The following ZNF407 variants were observed in gnomAD, a reference collection of about 807,000 sequenced individuals.
ZNF407 encodes zinc finger protein 407.
Under a neutral mutation model 131.2 loss-of-function variants are expected in ZNF407, and 17 were observed. The ratio of observed to expected loss-of-function variants is 0.13; its 90% confidence interval spans 0.09 to 0.19. The LOEUF (loss-of-function observed/expected upper bound fraction) is 0.19, where lower values mean the gene tolerates loss of function less well. Among genes scored for constraint, ZNF407 ranks in the 10% least tolerant of loss-of-function variants. The pLI is 1.00. For synonymous variants in ZNF407, 1,156 were observed against 1,062.0 expected (o/e 1.09, Z -1.72); for missense variants, 2,681 against 2,830.6 (o/e 0.95, Z 1.20).
intron 4 of ZNF407, among the ~76,000 whole-genome samples, chr18:74,824,806 C>T (rs1441383536): frequency 6.6e-6 from 1 of 152,220 alleles, no homozygotes; most frequent in South Asian, 2.1e-4. Flanking sequence ...TGGTACCTTT[C>T]CTTCTGAAAC....
chr18:74,970,909 T>C (rs1972465200), intron 8 of ZNF407, among the ~76,000 whole-genome samples: 1 of 152,238 alleles, frequency 6.6e-6, no homozygotes. Flanking sequence ...TGCAGCAAAC[T>C]TTTGCCTGGA....
At chr18:74,685,408 A>G (rs1484435904) in intron 3 of ZNF407, among the ~76,000 whole-genome samples, 1 of 152,076 alleles carries the variant, frequency 6.6e-6, no homozygotes, top group African/African-American at 2.4e-5. Flanking sequence ...TCCTTCTCCT[A>G]TTACTGATAT....
At chr18:74,987,224 T>C (rs988787731) in intron 8 of ZNF407, among the ~76,000 whole-genome samples, 3 of 152,194 alleles carry the variant, frequency 2.0e-5, no homozygotes, top group African/African-American at 7.2e-5. Context: ...CCGGGGAATT[T>C]TTTTCAAGCT....
chr18:74,950,602 A>G (rs1353199704), intron 8 of ZNF407, among the ~76,000 whole-genome samples: 1 of 152,222 alleles, frequency 6.6e-6, no homozygotes, highest in African/African-American at 2.4e-5. Flanking sequence ...ACCGTTACAG[A>G]TACCTAAAAA....
At chr18:74,813,200 T>C (rs1374277402) in intron 4 of ZNF407, among the ~76,000 whole-genome samples, 1 of 151,946 alleles carries the variant, frequency 6.6e-6, no homozygotes, top group East Asian at 1.9e-4. Flanking sequence ...TTAGTAAGAC[T>C]TGGTCCCTGT....
intron 3 of ZNF407, among the ~76,000 whole-genome samples, chr18:74,675,204 T>C (rs139783906): frequency 1.7e-3 from 259 of 152,354 alleles, no homozygotes; most frequent in African/African-American, 6.0e-3. Context: ...GCTGGCTCTT[T>C]GTTAACATTT....
chr18:74,649,110 C>G (rs1985106592), intron 3 of ZNF407, among the ~76,000 whole-genome samples: 1 of 152,198 alleles, frequency 6.6e-6, no homozygotes, highest in Non-Finnish European at 1.5e-5. Flanking sequence ...ATGCTACTAT[C>G]TAGATATACA....
intron 3 of ZNF407, among the ~76,000 whole-genome samples, chr18:74,715,480 A>T (rs1967872728): frequency 6.6e-6 from 1 of 152,138 alleles, no homozygotes; most frequent in Non-Finnish European, 1.5e-5. Context: ...TGGTGACTGG[A>T]GATGCCTTGG....
chr18:74,678,906 G>A (rs1966913735), intron 3 of ZNF407, among the ~76,000 whole-genome samples: 2 of 151,980 alleles, frequency 1.3e-5, no homozygotes, highest in African/African-American at 2.4e-5. Flanking sequence ...TGGCAGACCA[G>A]GTGATTGTGT....
intron 3 of ZNF407, among the ~76,000 whole-genome samples, chr18:74,771,028 A>T (rs538114184): frequency 1.3e-4 from 20 of 152,284 alleles, no homozygotes; most frequent in African/African-American, 3.8e-4. Flanking sequence ...GAATTTTCAG[A>T]TATTTTAAAT....
chr18:75,037,074 C>T (rs1301987643), intron 8 of ZNF407, among the ~76,000 whole-genome samples: 2 of 152,184 alleles, frequency 1.3e-5, no homozygotes, highest in African/African-American at 4.8e-5. Flanking sequence ...ACACAGACAT[C>T]CAGATGAAAA....
intron 3 of ZNF407, among the ~76,000 whole-genome samples, chr18:74,696,638 G>A (rs967325543): frequency 5.9e-5 from 9 of 152,154 alleles, no homozygotes; most frequent in African/African-American, 1.9e-4. Flanking sequence ...GTGTGTGTTT[G>A]TGTGTTCACA....
chr18:75,058,251 A>G (rs529847558), intron 8 of ZNF407, among the ~76,000 whole-genome samples: 1 of 152,362 alleles, frequency 6.6e-6, no homozygotes, highest in South Asian at 2.1e-4. Flanking sequence ...AGCGAGCCGA[A>G]CTCAAAATCC....
chr18:74,994,307 A>C (rs145362422), intron 8 of ZNF407, among the ~76,000 whole-genome samples: 1 of 152,354 alleles, frequency 6.6e-6, no homozygotes, highest in African/African-American at 2.4e-5. Flanking sequence ...ATGAGATAAA[A>C]GTATAAGAGA....
At chr18:74,925,561 C>T (rs928421271) in intron 8 of ZNF407, among the ~76,000 whole-genome samples, 3 of 152,180 alleles carry the variant, frequency 2.0e-5, no homozygotes, top group Non-Finnish European at 4.4e-5. Context: ...TACATAGAAC[C>T]TTGTAGAATA....
chr18:74,890,933 C>A (rs1971375740), intron 7 of ZNF407, among the ~76,000 whole-genome samples: 1 of 152,188 alleles, frequency 6.6e-6, no homozygotes, highest in African/African-American at 2.4e-5. Flanking sequence ...GTGCTGAAAG[C>A]ATCTTGGGAG....
chr18:74,908,241 C>A (rs775869560), intron 7 of ZNF407, among the ~76,000 whole-genome samples: 1 of 152,086 alleles, frequency 6.6e-6, no homozygotes, highest in Non-Finnish European at 1.5e-5. Context: ...ATTTTGGTAG[C>A]ATTTGGACGT....
intron 8 of ZNF407, among the ~76,000 whole-genome samples, chr18:75,000,366 G>A (rs1417935160): frequency 2.6e-5 from 4 of 152,200 alleles, no homozygotes. Flanking sequence ...TTTGTAATTT[G>A]TAAATATACT....
intron 3 of ZNF407, among the ~76,000 whole-genome samples, chr18:74,751,326 C>G (rs1014135246): frequency 1.3e-5 from 2 of 151,932 alleles, no homozygotes; most frequent in Non-Finnish European, 2.9e-5. Context: ...AATGTGGCTA[C>G]GCACGTCTCA....
Sources: allele counts gnomAD v4.1 joint callset (sites outside exome capture counted in the v4.1 genomes callset), GRCh38; gene constraint gnomAD v4.1.1; transcripts MANE v1.5; gene names NCBI Gene and HGNC (gene_info 2026-07-23, HGNC 2026-07-21).